TMPRSS9: variants seen among roughly 807,000 people sequenced by gnomAD.
TMPRSS9 encodes the protein transmembrane protease serine 9.
A neutral mutation model predicts 111.4 loss-of-function variants in TMPRSS9; 113 were observed. That is an observed-to-expected ratio of 1.01 (90% confidence interval 0.87 to 1.19). TMPRSS9 has a LOEUF of 1.19. Among genes scored for constraint, TMPRSS9 ranks in the 50% most tolerant of loss-of-function variants. The pLI is 0.00. For missense variants in TMPRSS9, 1,803 were observed against 1,513.1 expected (o/e 1.19, Z -3.18); for synonymous variants, 805 against 659.1 (o/e 1.22, Z -3.39).
chr19:2,414,876 G>GGAAAAAAAAAA (rs373652096), intron 10 of TMPRSS9, among the ~76,000 whole-genome samples: 3 of 146,376 alleles, frequency 2.0e-5, no homozygotes, highest in African/African-American at 7.7e-5. Context: ...ACTCCATCTC[G>GGAAAAAAAAAA]AAAAAGAAAA....
chr19:2,425,413 T>G (rs778658722), exon 17 of TMPRSS9: 2 of 1,577,170 alleles, frequency 1.3e-6, no homozygotes, highest in South Asian at 2.3e-5. Context: ...CGAGCAGACC[T>G]GCCGCCGCTT....
At chr19:2,393,041 GTCAGCTCTCTGTAAAATGGACCAA>G (rs1026880071) in intron 1 of TMPRSS9, among the ~76,000 whole-genome samples, 4 of 152,164 alleles carry the variant, frequency 2.6e-5, no homozygotes, top group African/African-American at 7.2e-5. Context: ...AAACGGACCA[GTCAGCTCTCTGTAAAATGGACCAA>G]TCAGCGCTCT....
At chr19:2,393,534 C>T (rs1599288664) in intron 1 of TMPRSS9, among the ~76,000 whole-genome samples, 1 of 152,314 alleles carries the variant, frequency 6.6e-6, no homozygotes, top group South Asian at 2.1e-4. Context: ...TTCTTGAAGT[C>T]AGTGAGACCA....
chr19:2,417,942 G>A lies in TMPRSS9; in HGVS notation c.2018-60G>A. On this transcript the variant is annotated intron_variant, in intron 12 of 17. Transcript: ENST00000648592. ...GCATCTCGGGGCTGTTATCGGAGCG[G>A]AACTGGAGCTGCTCTGATGATCACT... The A allele has an allele frequency of 3.1e-6, 5 of 1,604,332 alleles. No individual in the cohort carries two copies. The South Asian group carries it at 5.5e-5, about 18-fold the overall frequency.
intron 1 of TMPRSS9, among the ~76,000 whole-genome samples, chr19:2,395,357 C>T (rs1200820478): frequency 1.3e-5 from 2 of 152,054 alleles, no homozygotes; most frequent in South Asian, 2.1e-4. Flanking sequence ...CGCTTGAACC[C>T]GGGAGATGGA....
At chr19:2,377,544 C>T (rs1298519496) in intron 1 of TMPRSS9, among the ~76,000 whole-genome samples, 1 of 14,926 alleles carries the variant, frequency 6.7e-5, no homozygotes, top group South Asian at 5.0e-3. Context: ...TCCCCTCTCC[C>T]CTCCCCTCTC....
intron 1 of TMPRSS9, among the ~76,000 whole-genome samples, chr19:2,360,800 G>A (rs1332356822): frequency 6.6e-6 from 1 of 151,100 alleles, no homozygotes; most frequent in African/African-American, 2.5e-5. Flanking sequence ...ACGTAGGGTT[G>A]TGTGGACGCA....
At chr19:2,422,037 T>G (rs1377460999) in exon 14 of TMPRSS9, 1 of 1,612,400 alleles carries the variant, frequency 6.2e-7, no homozygotes, top group Admixed American at 1.7e-5. Flanking sequence ...GTCTCCCCCC[T>G]CGACCACAAG....
intron 13 of TMPRSS9, among the ~76,000 whole-genome samples, chr19:2,421,375 G>A (rs1402043158): frequency 1.3e-5 from 2 of 151,048 alleles, no homozygotes; most frequent in Admixed American, 6.6e-5. Context: ...TGCAAGCTCC[G>A]CCTCCCGGGT....
intron 1 of TMPRSS9, among the ~76,000 whole-genome samples, chr19:2,362,232 A>G (rs1218454719): frequency 6.6e-6 from 1 of 151,156 alleles, no homozygotes; most frequent in Non-Finnish European, 1.5e-5. Context: ...GTGGGATCGT[A>G]TATGGTTGTG....
intron 13 of TMPRSS9, among the ~76,000 whole-genome samples, chr19:2,420,928 G>C (rs1971449756): frequency 6.6e-6 from 1 of 152,136 alleles, no homozygotes; most frequent in South Asian, 2.1e-4. Context: ...GTTGAGGCCA[G>C]GCCAGGTGGC....
upstream of TMPRSS9, among the ~76,000 whole-genome samples, chr19:2,386,928 C>G (rs114353035): frequency 0.041 from 6,261 of 151,930 alleles, 145 homozygotes; most frequent in African/African-American, 0.049. Flanking sequence ...AGAGGCGGAG[C>G]TTGTAGTGAG....
intron 1 of TMPRSS9, among the ~76,000 whole-genome samples, chr19:2,367,942 C>T (rs564301692): frequency 6.6e-6 from 1 of 151,450 alleles, no homozygotes; most frequent in Non-Finnish European, 1.5e-5. Flanking sequence ...AACTCTGGAT[C>T]TCAAGTGATC....
chr19:2,380,828 A>G (rs1053113211), intron 1 of TMPRSS9, among the ~76,000 whole-genome samples: 1 of 152,136 alleles, frequency 6.6e-6, no homozygotes. Context: ...CAGTTTCTCT[A>G]CAATAGCCTT....
At chr19:2,379,659 T>TTC (rs1555676564) in intron 1 of TMPRSS9, among the ~76,000 whole-genome samples, 10 of 149,820 alleles carry the variant, frequency 6.7e-5, no homozygotes, top group Non-Finnish European at 1.0e-4. Context: ...CTTTCTTTCT[T>TTC]TCTTTCTTTC....
intron 1 of TMPRSS9, among the ~76,000 whole-genome samples, chr19:2,394,149 G>C (rs1970658760): frequency 6.6e-6 from 1 of 152,108 alleles, no homozygotes; most frequent in African/African-American, 2.4e-5. Flanking sequence ...GTTGCACTGA[G>C]CCAAGATCGT....
In TMPRSS9 at chr19:2,413,988, CTT is replaced by C; in HGVS notation, c.1544_1545del (p.Leu515ArgfsTer7). On this transcript the variant is annotated frameshift_variant, in exon 10 of 18. Coordinates refer to ENST00000648592, the Ensembl canonical transcript of TMPRSS9. LOFTEE classifies it high-confidence loss of function. ...GATGCAGGCCCTCAGTACCGTGCCT[CTT>C]GACTGGGTCACCGTTCCTAAGCTAC... 2 of 1,604,150 alleles carry C rather than the reference CTT, an allele frequency of 1.2e-6. No individual in the cohort carries two copies. The highest frequency in any genetic ancestry group is 1.7e-6 in the Non-Finnish European group (2 of 1,174,786).
At chr19:2,424,576 G>A (rs2145424838) in intron 15 of TMPRSS9, among the ~76,000 whole-genome samples, 1 of 150,642 alleles carries the variant, frequency 6.6e-6, no homozygotes, top group South Asian at 2.1e-4. Flanking sequence ...GGGAACATTG[G>A]GGTCACTTCT....
At chr19:2,403,354 G>A (rs1227194467) in intron 6 of TMPRSS9, among the ~76,000 whole-genome samples, 159 bp downstream of exon 7, 1 of 152,154 alleles carries the variant, frequency 6.6e-6, no homozygotes, top group African/African-American at 2.4e-5. Context: ...ATGGTATGGG[G>A]AGAAACATGA....
Sources: gnomAD v4.1 joint callset for allele counts (sites outside exome capture counted in the v4.1 genomes callset) on GRCh38, gnomAD v4.1.1 for gene constraint, MANE v1.5 for transcripts, NCBI Gene and HGNC (gene_info 2026-07-23, HGNC 2026-07-21) for gene names.